Variants in TMEM154 observed in about 807,000 individuals in gnomAD.
TMEM154 encodes transmembrane protein 154.
In TMEM154, 27 loss-of-function variants were observed where a neutral mutation model predicts 24.5. That is an observed-to-expected ratio of 1.10 (90% CI 0.81 to 1.52). TMEM154 has a LOEUF of 1.52. TMEM154 is among the 40% of genes most tolerant of loss of function. The pLI, the probability that TMEM154 is intolerant of heterozygous loss-of-function variation, is 0.00. For missense variants in TMEM154, 228 were observed against 213.4 expected, an observed-to-expected ratio of 1.07 and a Z score of -0.43; for synonymous variants, 67 against 76.8, an observed-to-expected ratio of 0.87 and a Z score of 0.67.
At chr4:152,650,951 C>A (rs1468328230) in intron 3 of TMEM154, among the ~76,000 whole-genome samples, 1 of 152,220 alleles carries the variant, frequency 6.6e-6, no homozygotes, top group African/African-American at 2.4e-5. Flanking sequence ...ATTCAGTAAA[C>A]CATGCTATAA....
intron 4 of TMEM154, 78 bp from the exon 5 acceptor site, chr4:152,643,251 C>T (rs1435750555): frequency 7.1e-6 from 8 of 1,119,810 alleles, no homozygotes; most frequent in Non-Finnish European, 1.1e-5. Context: ...GACTAGAATG[C>T]TGATCCTGAG....
chr4:152,667,348 G>A (rs4447840), intron 1 of TMEM154, among the ~76,000 whole-genome samples: 132,447 of 152,242 alleles, frequency 0.87, 57,862 homozygotes, highest in East Asian at 0.99. Flanking sequence ...TAAATTTTTC[G>A]AACATACAAG....
In TMEM154 at chr4:152,661,317, T is replaced by C. The variant is rs1049028837; in HGVS notation, c.65-8390A>G. 5.3e-4 allele frequency among the ~76,000 whole-genome samples: 76 copies of C among 143,738 alleles called. 1 individual carries two copies. Among genetic ancestry groups the C allele is most frequent in the African/African-American group, 2.1e-3 (75 of 36,370 alleles). The allele number at this position is 143,738 out of a possible 152,430, so 94.3% of individuals were successfully genotyped here. On this transcript the variant is annotated intron_variant, in intron 1 of 6. Coordinates refer to ENST00000304385, the MANE Select transcript of TMEM154 (RefSeq NM_152680.3). ...CTCTCTCTCTCTCTCTCTCTCTCTC[T>C]CTCTCTCTCTCTCTCTCTCTCTCTC...
intron 1 of TMEM154, among the ~76,000 whole-genome samples, chr4:152,660,236 C>T (rs1003986914): frequency 3.3e-5 from 5 of 152,020 alleles, no homozygotes; most frequent in Non-Finnish European, 5.9e-5. Context: ...TCACTGGTAA[C>T]CTTGGCCAGT....
chr4:152,635,105 A>G (rs1009683614), intron 6 of TMEM154, among the ~76,000 whole-genome samples: 1 of 152,204 alleles, frequency 6.6e-6, no homozygotes, highest in African/African-American at 2.4e-5. Context: ...GGTCACAAAG[A>G]TTTAACTGAG....
chr4:152,678,682 T>C (rs765706254), intron 1 of TMEM154, among the ~76,000 whole-genome samples: 1 of 152,206 alleles, frequency 6.6e-6, no homozygotes, highest in African/African-American at 2.4e-5. Context: ...TTGAGCTGCA[T>C]CATCTTCAAG....
intron 1 of TMEM154, among the ~76,000 whole-genome samples, chr4:152,661,684 T>C (rs1728616665): frequency 6.6e-6 from 1 of 152,196 alleles, no homozygotes; most frequent in South Asian, 2.1e-4. Flanking sequence ...AATGCTCTAA[T>C]CTGTACAACT....
chr4:152,628,638 CTTTTTT>C, intron 6 of TMEM154, 77 bp from the exon 7 acceptor site: 1 of 945,500 alleles, frequency 1.1e-6, no homozygotes, highest in South Asian at 2.0e-5. Context: ...ATATTTCTTT[CTTTTTT>C]TTTTTTTTTT....
intron 4 of TMEM154, among the ~76,000 whole-genome samples, 189 bp downstream of exon 4, chr4:152,644,226 C>G (rs1156670524): frequency 6.6e-6 from 1 of 152,198 alleles, no homozygotes; most frequent in African/African-American, 2.4e-5. Flanking sequence ...CCAGATCACA[C>G]TCACACGCTG....
chr4:152,643,303 TG>T, intron 4 of TMEM154, 130 bp from the exon 5 acceptor site: 1 of 675,984 alleles, frequency 1.5e-6, no homozygotes, highest in Non-Finnish European at 2.5e-6. Flanking sequence ...TAGGGAAGCC[TG>T]GGGGCTTGCC....
At chr4:152,651,878 C>T (rs904310140) in intron 3 of TMEM154, among the ~76,000 whole-genome samples, 3 of 151,526 alleles carry the variant, frequency 2.0e-5, no homozygotes, top group African/African-American at 7.2e-5. Context: ...AGATATGTGA[C>T]TCTTCTTCCA....
intron 6 of TMEM154, among the ~76,000 whole-genome samples, chr4:152,632,695 G>A (rs142734014): frequency 1.8e-3 from 272 of 152,224 alleles, no homozygotes; most frequent in Middle Eastern, 6.8e-3. Context: ...GGTAGTTTAC[G>A]TTTGTGCCAT....
rs1272949953 is a variant in TMEM154 at position 152,623,099 on chromosome 4, G to C, written c.*5447C>G. 1 of 152,234 alleles carries C rather than the reference G, an allele frequency of 6.6e-6. No homozygotes were observed. The highest frequency in any genetic ancestry group is 1.5e-5 in the Non-Finnish European group (1 of 68,052). The allele number at this position is 152,234 out of a possible 1,614,324, so 9.4% of individuals were successfully genotyped here. A position where few individuals can be genotyped will look rare whatever the true frequency, so the allele number is the denominator to read the frequency against. Reference sequence around the variant, plus strand: ...AATCCACCAGCCGTGGACTCCCAAAGTGTTGGGAAGTAAGCCACTGTGCCT... The same window carrying C: ...AATCCACCAGCCGTGGACTCCCAAACTGTTGGGAAGTAAGCCACTGTGCCT... On this transcript the variant is annotated 3_prime_UTR_variant, in exon 7 of 7. Coordinates refer to ENST00000304385, the MANE Select transcript of TMEM154 (RefSeq NM_152680.3).
In TMEM154 at chr4:152,658,367, T is replaced by G. The variant is rs1243954259; in HGVS notation, c.65-5440A>C. Among the ~76,000 whole-genome samples the G allele has an allele frequency of 2.0e-5, 3 of 152,022 alleles. No homozygotes were observed. The East Asian group carries it at 5.8e-4, about 29-fold the overall frequency. On this transcript the variant is annotated intron_variant, in intron 1 of 6. Coordinates refer to ENST00000304385, the MANE Select transcript of TMEM154 (RefSeq NM_152680.3). ...AGATTTTAAACAGACAATCTAGTGA[T>G]GCATCTCAAGGAACTAGAAAAGCAA...
rs1006472853 is a variant in TMEM154, at chr4:152,626,900, T to C, written c.*1646A>G. The C allele has an allele frequency of 6.6e-6, 1 of 152,216 alleles. No individual in the cohort carries two copies. Among genetic ancestry groups the C allele is most frequent in the Non-Finnish European group, 1.5e-5 (1 of 68,046 alleles). The allele number at this position is 152,216 out of a possible 1,614,324, so 9.4% of individuals were successfully genotyped here. A position where few individuals can be genotyped will look rare whatever the true frequency, so the allele number is the denominator to read the frequency against. On this transcript the variant is annotated 3_prime_UTR_variant, in exon 7 of 7. Transcript: ENST00000304385. ...TGGCATAAATATCTGAGAGTCACTGTGGGCCATGAGTTGAAAAGGAACATG... is the reference window on the plus strand; with the variant it reads ...TGGCATAAATATCTGAGAGTCACTGCGGGCCATGAGTTGAAAAGGAACATG...
chr4:152,677,863 TG>T (rs1373542825), intron 1 of TMEM154, among the ~76,000 whole-genome samples: 1 of 152,212 alleles, frequency 6.6e-6, no homozygotes, highest in African/African-American at 2.4e-5. Flanking sequence ...TACAGGATTT[TG>T]GAAAGTCAAA....
chr4:152,646,694 C>T (rs1007910009), intron 3 of TMEM154: 10 of 411,320 alleles, frequency 2.4e-5, no homozygotes, highest in African/African-American at 2.1e-4. Context: ...CTACTTCCCC[C>T]CCACTTAGCC....
Position 152,628,355 on chromosome 4 carries a change from A to G in TMEM154, c.*191T>C. 2.0e-6 allele frequency: 2 copies of G among 976,948 alleles called. No homozygotes were observed. The highest frequency in any genetic ancestry group is 3.1e-6 in the Non-Finnish European group (2 of 636,098). The allele number at this position is 976,948 out of a possible 1,614,324, so 60.5% of individuals were successfully genotyped here. The stretch of plus-strand genomic sequence containing the variant: ...CCAGGCCTTTTCCTAGTACTTCTCA[A>G]TTGCACATTCTTCCAAGTGCAAGTG... On this transcript the variant is annotated 3_prime_UTR_variant, in exon 7 of 7. Transcript: ENST00000304385.
At chr4:152,670,495 C>T (rs1401419166) in intron 1 of TMEM154, among the ~76,000 whole-genome samples, 2 of 152,074 alleles carry the variant, frequency 1.3e-5, no homozygotes, top group Non-Finnish European at 2.9e-5. Flanking sequence ...ACTCGGGAGG[C>T]TGAGGCAGGA....
Sources: gnomAD v4.1 joint callset for allele counts (sites outside exome capture counted in the v4.1 genomes callset) on GRCh38, gnomAD v4.1.1 for gene constraint, MANE v1.5 for transcripts, NCBI Gene and HGNC (gene_info 2026-07-23, HGNC 2026-07-21) for gene names.